The following HLF variants were observed in gnomAD, a reference collection of about 807,000 sequenced individuals.
HLF encodes HLF transcription factor, PAR bZIP family member.
HLF carries 3 observed loss-of-function variants against 22.6 expected under a neutral mutation model. The ratio of observed to expected loss-of-function variants is 0.13; its 90% CI spans 0.06 to 0.34. The LOEUF is 0.34. Ranked by LOEUF, HLF falls within the 10% of genes least tolerant of loss-of-function variation. The pLI, the probability that HLF is intolerant of heterozygous loss-of-function variation, is 1.00. For missense variants in HLF, 299 were observed against 389.2 expected (o/e 0.77, Z 1.95); for synonymous variants, 151 against 151.8 (o/e 0.99, Z 0.04).
intron 3 of HLF, among the ~76,000 whole-genome samples, chr17:55,316,072 G>A (rs1905053554): frequency 6.6e-6 from 1 of 152,122 alleles, no homozygotes; most frequent in South Asian, 2.1e-4. Flanking sequence ...AGTGTTGAAG[G>A]GACACCTTAT....
intron 3 of HLF, among the ~76,000 whole-genome samples, chr17:55,318,036 T>G (rs914114519): frequency 2.0e-5 from 3 of 152,212 alleles, no homozygotes; most frequent in Admixed American, 2.0e-4. Flanking sequence ...CTGATACTGT[T>G]CCTGCCTTCA....
chr17:55,290,437 CATT>C (rs1055647972), intron 2 of HLF, among the ~76,000 whole-genome samples: 31 of 152,040 alleles, frequency 2.0e-4, no homozygotes, highest in African/African-American at 4.8e-5. Context: ...TCAAGTTTTT[CATT>C]ATTATTATAT....
At chr17:55,268,590 A>ATT (rs35119852) in intron 2 of HLF, among the ~76,000 whole-genome samples, 2 of 151,452 alleles carry the variant, frequency 1.3e-5, no homozygotes, top group Non-Finnish European at 2.9e-5. Context: ...TGGGGCAGGT[A>ATT]TTTTTTTTTC....
chr17:55,320,992 A>T lies in HLF; in HGVS notation c.*113A>T. ...TCAGCACTTTACCAGAGGCATAAAC[A>T]CAACTGACTCCCATTTTGGTGTGCA... On this transcript the variant is annotated 3_prime_UTR_variant, in exon 4 of 4. Transcript: ENST00000226067. This position sits in a 1 kb window ranked among gnomAD's most constrained non-coding sequence, Gnocchi z 4.2. 1.3e-6 allele frequency: 1 copy of T among 773,356 alleles called. No homozygotes were observed. The highest frequency in any genetic ancestry group is 2.5e-5 in the Admixed American group (1 of 40,190). The allele number at this position is 773,356 out of a possible 1,614,324, so 47.9% of individuals were successfully genotyped here.
chr17:55,299,312 T>C (rs984247436), intron 2 of HLF, among the ~76,000 whole-genome samples: 5 of 152,156 alleles, frequency 3.3e-5, no homozygotes, highest in Non-Finnish European at 7.4e-5. Flanking sequence ...GAATGATCAT[T>C]AACTAATAGG....
chr17:55,315,390 G>A lies in HLF; in HGVS notation c.615G>A (p.Leu205=). The part of the protein sequence containing the change: ...PRKRKFSEEE[L]KPQPMIKKAR... ...AACGCAAGTTCTCTGAGGAAGAACT[G>A]AAGCCACAGCCCATGATCAAGAAAG... The change falls in exon 3 of 4, where the codon CTG becomes CTA. Residue 205 remains leucine (L), a synonymous_variant. Transcript: ENST00000226067. 1 of 1,614,198 alleles carries A rather than the reference G, an allele frequency of 6.2e-7. No individual in the cohort carries two copies. Among genetic ancestry groups the A allele is most frequent in the Non-Finnish European group, 8.5e-7 (1 of 1,180,026 alleles).
rs761095673 is a variant in HLF, at chr17:55,294,477, C to T, written c.452-20750C>T. On this transcript the variant is annotated intron_variant, in intron 2 of 3. Coordinates refer to ENST00000226067, the MANE Select transcript of HLF (RefSeq NM_002126.5). Reference sequence around the variant, plus strand: ...TGGTGAGCTGTCTGCAGATACACAGCGTAGTGGGAGAGATACGCACGTGAA... The same window carrying T: ...TGGTGAGCTGTCTGCAGATACACAGTGTAGTGGGAGAGATACGCACGTGAA... Among the ~76,000 whole-genome samples the T allele has an allele frequency of 1.1e-4, 17 of 152,254 alleles. No individual in the cohort carries two copies. The East Asian group carries it at 2.7e-3, about 24-fold the overall frequency.
chr17:55,265,755 C>T, intron 1 of HLF, 156 bp downstream of exon 1: 3 of 1,202,122 alleles, frequency 2.5e-6, no homozygotes, highest in Non-Finnish European at 3.3e-6. Flanking sequence ...GCTCACCCAG[C>T]ACCCTTCCTC....
chr17:55,302,800 C>T (rs1262312337), intron 2 of HLF, among the ~76,000 whole-genome samples: 7 of 152,190 alleles, frequency 4.6e-5, no homozygotes, highest in African/African-American at 7.2e-5. Flanking sequence ...ATTCAAGTGG[C>T]GCATATTGTC....
At chr17:55,308,197 G>T (rs541378530) in intron 2 of HLF, among the ~76,000 whole-genome samples, 1 of 152,214 alleles carries the variant, frequency 6.6e-6, no homozygotes, top group African/African-American at 2.4e-5. Context: ...CTGTGGAGAC[G>T]TGGGAGATAG....
At position 55,268,563 on chromosome 17, in the gene HLF, A is replaced by C. The variant is rs561047945; in HGVS notation, c.451+477A>C. 2.2e-3 allele frequency among the ~76,000 whole-genome samples: 333 copies of C among 152,310 alleles called. 4 individuals carry two copies. Among genetic ancestry groups the C allele is most frequent in the Non-Finnish European group, 3.6e-3 (245 of 68,026 alleles). The stretch of plus-strand genomic sequence containing the variant: ...ACTCTTGTCTGTCCTGAAGGAAAAA[A>C]AATGTGAGTAGGGATATGGGGCAGG... On this transcript the variant is annotated intron_variant, in intron 2 of 3. Coordinates refer to ENST00000226067, the MANE Select transcript of HLF (RefSeq NM_002126.5).
At chr17:55,299,974 G>A (rs535101813) in intron 2 of HLF, among the ~76,000 whole-genome samples, 34 of 152,022 alleles carry the variant, frequency 2.2e-4, no homozygotes, top group African/African-American at 8.0e-4. Context: ...CTAGGACTAC[G>A]GACACATGCC....
At chr17:55,307,047 A>T (rs1452428234) in intron 2 of HLF, among the ~76,000 whole-genome samples, 1 of 148,394 alleles carries the variant, frequency 6.7e-6, no homozygotes, top group African/African-American at 2.5e-5. Flanking sequence ...GCAGAGCAAC[A>T]TGCTTTTACC....
chr17:55,274,778 G>T (rs990258144), intron 2 of HLF, among the ~76,000 whole-genome samples: 1 of 152,224 alleles, frequency 6.6e-6, no homozygotes, highest in South Asian at 2.1e-4. Flanking sequence ...TGCATGCAGA[G>T]TAATTGTCAC....
chr17:55,270,280 C>T (rs942484895), intron 2 of HLF, among the ~76,000 whole-genome samples: 9 of 152,192 alleles, frequency 5.9e-5, no homozygotes, highest in African/African-American at 1.9e-4. Context: ...AACATAGTTT[C>T]CTTCTTGGAG....
intron 2 of HLF, among the ~76,000 whole-genome samples, chr17:55,285,891 GTCTTCA>G (rs1477924960): frequency 6.6e-6 from 1 of 152,212 alleles, no homozygotes; most frequent in Non-Finnish European, 1.5e-5. Flanking sequence ...TTTTGCGCCT[GTCTTCA>G]TCTTCTTCGC....
intron 2 of HLF, among the ~76,000 whole-genome samples, chr17:55,308,027 A>AG (rs1904661594): frequency 1.3e-5 from 2 of 152,172 alleles, no homozygotes; most frequent in Admixed American, 6.5e-5. Context: ...GATCACATTC[A>AG]GGGGACGCAA....
intron 1 of HLF, chr17:55,267,530 G>C (rs183769160): frequency 2.0e-6 from 1 of 505,322 alleles, no homozygotes; most frequent in Admixed American, 3.7e-5. Flanking sequence ...CCAAGGACTA[G>C]TGCCTTCTTT....
At chr17:55,271,953 C>G (rs2080862862) in intron 2 of HLF, 1 of 152,186 alleles carries the variant, frequency 6.6e-6, no homozygotes, top group Non-Finnish European at 1.5e-5. Flanking sequence ...TGAAGAAATC[C>G]AGTTTTCTTT....
Sources: gnomAD v4.1 joint callset for allele counts (sites outside exome capture counted in the v4.1 genomes callset) on GRCh38, gnomAD v4.1.1 for gene constraint, Gnocchi (gnomAD v3.1) non-coding constraint, MANE v1.5 for transcripts, NCBI Gene and HGNC (gene_info 2026-07-23, HGNC 2026-07-21) for gene names.